Variants in PMM1 observed in about 807,000 individuals in gnomAD.
PMM1 encodes phosphomannomutase 1.
In PMM1, 25 loss-of-function variants were observed where a neutral mutation model predicts 34.0. That is an observed-to-expected ratio of 0.73 (90% CI 0.54 to 1.03). PMM1 has a LOEUF of 1.03. Ranked by LOEUF, PMM1 falls within the 50% of genes least tolerant of loss-of-function variation. The pLI, the probability that PMM1 is intolerant of heterozygous loss-of-function variation, is 0.00. For missense variants in PMM1, 321 were observed against 350.1 expected (o/e 0.92, Z 0.66); for synonymous variants, 134 against 143.9 (o/e 0.93, Z 0.49).
intron 1 of PMM1, 103 bp from the exon 2 acceptor site, chr22:41,586,296 C>T: frequency 6.4e-7 from 1 of 1,570,246 alleles, no homozygotes; most frequent in African/African-American, 1.4e-5. Flanking sequence ...CCACATTCTA[C>T]CTGGATCTGA....
intron 4 of PMM1, 94 bp from the exon 5 acceptor site, chr22:41,584,152 AAAGGGGAC>A: frequency 7.7e-7 from 1 of 1,303,608 alleles, no homozygotes; most frequent in South Asian, 1.2e-5. Flanking sequence ...CTAGGACTTC[AAAGGGGAC>A]AAGAATCCAC....
rs771973425 is a variant in PMM1 at position 41,584,347 on chromosome 22, T to C, written c.308A>G (p.Glu103Gly). The C allele has an allele frequency of 3.7e-6, 6 of 1,613,846 alleles. No individual in the cohort carries two copies. The highest frequency in any genetic ancestry group is 1.6e-4 in the Middle Eastern group (1 of 6,084). The change falls in exon 4 of 8, where the codon GAG (glutamate) becomes GGG (glycine). Residue 103 changes from glutamate (E) to glycine (G), a missense_variant. By Grantham distance (98) the Glu-to-Gly change is moderately conservative. Coordinates refer to ENST00000216259, the MANE Select transcript of PMM1 (RefSeq NM_002676.3). ...GAAGTTGATCAAGTCCTGCAGCAGCTCCTCCCCCAGGTGGTTCTGGATGGT... is the reference window on the plus strand; with the variant it reads ...GAAGTTGATCAAGTCCTGCAGCAGCCCCTCCCCCAGGTGGTTCTGGATGGT... The part of the protein sequence containing the change: ...KQTIQNHLGE[E>G]LLQDLINFCL...
rs2067183893 is a variant in PMM1, at chr22:41,577,272, T to C, written c.*46A>G. The C allele has an allele frequency of 1.2e-6, 2 of 1,610,932 alleles. No individual in the cohort carries two copies. ...CAACACCAGGACCTCTCTTTAGGCC[T>C]AGGCCAAACTCTTCAGAAGTCACGA... is the stretch of plus-strand genomic sequence containing the variant. On this transcript the variant is annotated 3_prime_UTR_variant, in exon 8 of 8. Transcript: ENST00000216259.
At chr22:41,577,558 A>T in intron 7 of PMM1, 118 bp from the exon 8 acceptor site, 1 of 1,206,040 alleles carries the variant, frequency 8.3e-7, no homozygotes, top group Non-Finnish European at 1.2e-6. Context: ...CCACCTTCTC[A>T]CCCCTTGTCA....
At chr22:41,588,885 G>T in intron 1 of PMM1, 1 of 978,352 alleles carries the variant, frequency 1.0e-6, no homozygotes, top group Non-Finnish European at 1.2e-6. Flanking sequence ...AGACTGGAGG[G>T]TGGGTTACCC....
At chr22:41,583,897 A>G (rs1256429146) in intron 5 of PMM1, 62 bp downstream of exon 5, 1 of 1,019,256 alleles carries the variant, frequency 9.8e-7, no homozygotes, top group African/African-American at 1.6e-5. Context: ...TGAGAAAATA[A>G]AGGCTCAGAT....
intron 2 of PMM1, 102 bp downstream of exon 2, chr22:41,585,970 GCTCT>G (rs1484492502): frequency 1.1e-5 from 9 of 819,282 alleles, no homozygotes; most frequent in Admixed American, 7.6e-5. Flanking sequence ...CTATCTGGCT[GCTCT>G]CTCTCTATTT....
chr22:41,577,230 G>A lies in PMM1; in HGVS notation c.*88C>T. ...CAGCAGGCGTCCTGGGCCAGAGGAG[G>A]GGCCCTGGCATCTATCCAACACCAG... On this transcript the variant is annotated 3_prime_UTR_variant, in exon 8 of 8. Coordinates refer to ENST00000216259, the MANE Select transcript of PMM1 (RefSeq NM_002676.3). The A allele has an allele frequency of 6.4e-7, 1 of 1,554,476 alleles. No homozygotes were observed. The highest frequency in any genetic ancestry group is 8.8e-7 in the Non-Finnish European group (1 of 1,135,102).
rs1237389373 is a variant in PMM1, at chr22:41,577,047, T to C, written c.*271A>G. 4 of 514,066 alleles carry C rather than the reference T, an allele frequency of 7.8e-6. No homozygotes were observed. The highest frequency in any genetic ancestry group is 1.4e-5 in the Non-Finnish European group (4 of 282,116). 31.8% of individuals were successfully genotyped at this position (514,066 alleles called of 1,614,324 possible). A position where few individuals can be genotyped will look rare whatever the true frequency, so the allele number is the denominator to read the frequency against. Reference sequence around the variant, plus strand: ...CCTCCTCCTGGTGCAGAAAGAAACCTCTTCTGTACCGAAATACAAGCAGCA... The same window carrying C: ...CCTCCTCCTGGTGCAGAAAGAAACCCCTTCTGTACCGAAATACAAGCAGCA... On this transcript the variant is annotated 3_prime_UTR_variant, in exon 8 of 8. Transcript: ENST00000216259.
At position 41,586,495 on chromosome 22, in the gene PMM1, T is replaced by C. The variant is rs571396641; in HGVS notation, c.88-302A>G. 12 of 343,804 alleles carry C rather than the reference T, an allele frequency of 3.5e-5. 1 individual carries two copies. The South Asian group carries it at 4.3e-4, about 12-fold the overall frequency. The allele number at this position is 343,804 out of a possible 1,614,324, so 21.3% of individuals were successfully genotyped here. A position where few individuals can be genotyped will look rare whatever the true frequency, so the allele number is the denominator to read the frequency against. ...AATTTTTTTGGAGACGAATTTTTGT[T>C]CTGTCATCCAGGCTGGAGTGCAGTG... On this transcript the variant is annotated intron_variant, in intron 1 of 7. Transcript: ENST00000216259.
chr22:41,586,469 A>G (rs552601145), intron 1 of PMM1: 393 of 467,530 alleles, frequency 8.4e-4, no homozygotes, highest in Non-Finnish European at 1.1e-3. Context: ...ATGAAAAAAA[A>G]AATTTTTTTG....
At chr22:41,577,660 T>G in intron 7 of PMM1, 148 bp downstream of exon 7, 1 of 754,822 alleles carries the variant, frequency 1.3e-6, no homozygotes, top group Non-Finnish European at 2.2e-6. Flanking sequence ...TGGTGAGCAA[T>G]GGTTGTTCTC....
intron 4 of PMM1, 89 bp downstream of exon 4, chr22:41,584,192 G>C (rs1014266237): frequency 1.7e-5 from 23 of 1,355,520 alleles, no homozygotes; most frequent in Non-Finnish European, 2.1e-5. Context: ...AAAATCAGGG[G>C]CCCAAGTATC....
Position 41,577,361 on chromosome 22 carries a change from C to A in PMM1, c.746G>T (p.Arg249Leu). The change falls in exon 8 of 8, where the codon CGA becomes CTA. Residue 249 changes from arginine to leucine, a missense_variant. Arg to Leu is a moderately radical substitution (Grantham distance 102). Transcript: ENST00000216259. ...CTCTGGGAAGAAAATCTCCCGGCAT[C>A]GCTGCACCGTGTCCTGAGGAGACAC... Reference protein sequence around the residue: ...SVVSPQDTVQRCREIFFPETA... With the variant: ...SVVSPQDTVQLCREIFFPETA... The A allele has an allele frequency of 1.2e-6, 2 of 1,613,010 alleles. No individual in the cohort carries two copies. Among genetic ancestry groups the A allele is most frequent in the African/African-American group, 2.7e-5 (2 of 75,060 alleles).
chr22:41,579,047 G>T (rs2067209737), intron 5 of PMM1, 166 bp from the exon 6 acceptor site: 1 of 607,230 alleles, frequency 1.6e-6, no homozygotes, highest in Admixed American at 2.5e-5. Flanking sequence ...CTTGGTCAAG[G>T]TCACCTAGCC....
chr22:41,588,659 C>A (rs2067341724), intron 1 of PMM1: 1 of 985,428 alleles, frequency 1.0e-6, no homozygotes, highest in Non-Finnish European at 1.2e-6. Context: ...AATGGCCCAC[C>A]TTTGCTCCAG....
intron 6 of PMM1, 42 bp downstream of exon 6, chr22:41,578,764 C>A: frequency 1.3e-6 from 2 of 1,544,578 alleles, no homozygotes; most frequent in South Asian, 2.2e-5. Flanking sequence ...TGAGGAGGGG[C>A]CCTGTACCAG....
rs370814183 is a variant in PMM1 at position 41,585,463 on chromosome 22, T to TTTTATTTATTTA, written c.205+601_205+612dup. ...ATGGTAGCCATCATTGGTTCTGCCC[T>TTTTATTTATTTA]TTTATTTATTTATTTATTTATTTAT... On this transcript the variant is annotated intron_variant, in intron 2 of 7. Coordinates refer to ENST00000216259, the MANE Select transcript of PMM1 (RefSeq NM_002676.3). 4.8e-3 allele frequency: 710 copies of TTTTATTTATTTA among 148,058 alleles called. 5 individuals are homozygous for TTTTATTTATTTA. The highest frequency in any genetic ancestry group is 0.016 in the African/African-American group (646 of 39,746). The allele number at this position is 148,058 out of a possible 1,614,324, so 9.2% of individuals were successfully genotyped here. A position where few individuals can be genotyped will look rare whatever the true frequency, so the allele number is the denominator to read the frequency against.
chr22:41,578,779 C>G (rs1397714204), intron 6 of PMM1, 27 bp downstream of exon 6: 1 of 1,605,390 alleles, frequency 6.2e-7, no homozygotes, highest in Admixed American at 1.7e-5. Context: ...TACCAGGCCT[C>G]CCAGGTCCTC....
Sources: gnomAD v4.1 joint callset for allele counts on GRCh38, gnomAD v4.1.1 for gene constraint, MANE v1.5 for transcripts, NCBI Gene and HGNC (gene_info 2026-07-23, HGNC 2026-07-21) for gene names.